The following SEMA3E variants were observed in gnomAD, a reference collection of about 807,000 sequenced individuals.
SEMA3E encodes semaphorin 3E.
In SEMA3E, 49 loss-of-function variants were observed where a neutral mutation model predicts 93.6. The ratio of observed to expected loss-of-function variants is 0.52; its 90% CI spans 0.42 to 0.66. The LOEUF (loss-of-function observed/expected upper bound fraction) is 0.66, where lower values mean the gene tolerates loss of function less well. Ranked by LOEUF, SEMA3E falls within the 30% of genes least tolerant of loss-of-function variation. The pLI is 0.00. For synonymous variants in SEMA3E, 363 were observed against 330.7 expected, an observed-to-expected ratio of 1.10 and a Z score of -1.06; for missense variants, 906 against 964.8, an observed-to-expected ratio of 0.94 and a Z score of 0.81.
intron 3 of SEMA3E, among the ~76,000 whole-genome samples, chr7:83,467,503 T>G (rs1789793799): frequency 6.6e-6 from 1 of 152,194 alleles, no homozygotes. Context: ...ACTATATTGC[T>G]GTAAGAAATA....
In SEMA3E at chr7:83,580,458, T is replaced by G. The variant is rs186133722; in HGVS notation, c.115+67970A>C. ...ACAAATGCTGTATGCTCTGGTCATT[T>G]ACTGTCTATCATGTGCATCCCTACC... On this transcript the variant is annotated intron_variant, in intron 1 of 16. Transcript: ENST00000643230. Among the ~76,000 whole-genome samples the G allele has an allele frequency of 1.6e-3, 238 of 152,082 alleles. 2 individuals carry two copies. Among genetic ancestry groups the G allele is most frequent in the Middle Eastern group, 6.8e-3 (2 of 294 alleles).
At position 83,363,859 on chromosome 7, in the gene SEMA3E, CATTTTTTTTTTTTTTTTTT is replaced by C. The variant is rs1794621980; in HGVS notation, c.*3708_*3726del. On this transcript the variant is annotated 3_prime_UTR_variant, in exon 17 of 17. Coordinates refer to ENST00000643230, the MANE Select transcript of SEMA3E (RefSeq NM_012431.3). ...AGGCTACAGGTGTCACAGGTCAATT[CATTTTTTTTTTTTTTTTTT>C]TTTTTTTTTTTTTTTTTTTTTTTTT... 2 of 100,554 alleles carry C rather than the reference CATTTTTTTTTTTTTTTTTT, an allele frequency of 2.0e-5. No individual in the cohort carries two copies. The highest frequency in any genetic ancestry group is 9.3e-5 in the African/African-American group (2 of 21,426). The allele number at this position is 100,554 out of a possible 1,614,324, so 6.2% of individuals were successfully genotyped here.
At chr7:83,438,910 G>A (rs554461821) in intron 4 of SEMA3E, among the ~76,000 whole-genome samples, 1 of 152,258 alleles carries the variant, frequency 6.6e-6, no homozygotes, top group South Asian at 2.1e-4. Context: ...TTGACTCCAA[G>A]TTAACTTTAA....
At chr7:83,529,321 T>G (rs182409972) in intron 1 of SEMA3E, among the ~76,000 whole-genome samples, 302 of 152,242 alleles carry the variant, frequency 2.0e-3, no homozygotes, top group African/African-American at 6.4e-3. Context: ...GACCTTGCTT[T>G]CTTTCTAAGA....
chr7:83,370,485 G>A (rs1794735566), intron 16 of SEMA3E, among the ~76,000 whole-genome samples: 1 of 152,040 alleles, frequency 6.6e-6, no homozygotes, highest in South Asian at 2.1e-4. Flanking sequence ...TTGCTGCAAT[G>A]TTAAATTCTC....
At position 83,473,840 on chromosome 7, in the gene SEMA3E, T is replaced by A. The variant is rs193176623; in HGVS notation, c.277-4538A>T. On this transcript the variant is annotated intron_variant, in intron 2 of 16. Coordinates refer to ENST00000643230, the MANE Select transcript of SEMA3E (RefSeq NM_012431.3). ...CAGGTGAGGTGGCTCATGCCTGTAA[T>A]CCCAGCACTTTGGGAGGCCGAGGCG... is the stretch of plus-strand genomic sequence containing the variant. Among the ~76,000 whole-genome samples the A allele has an allele frequency of 3.9e-5, 6 of 152,250 alleles. No homozygotes were observed. In the East Asian group the frequency reaches 1.2e-3, roughly 29 times the overall value.
intron 5 of SEMA3E, among the ~76,000 whole-genome samples, 195 bp from the exon 6 acceptor site, chr7:83,408,682 G>C (rs577476756): frequency 2.6e-5 from 4 of 152,226 alleles, no homozygotes; most frequent in African/African-American, 9.6e-5. Flanking sequence ...TGTGAACTTG[G>C]GCAAGTTGCT....
intron 4 of SEMA3E, among the ~76,000 whole-genome samples, chr7:83,434,435 AC>A (rs1788956496): frequency 6.6e-6 from 1 of 152,204 alleles, no homozygotes; most frequent in South Asian, 2.1e-4. Context: ...CTCAAAGCAA[AC>A]TTTATTAAAT....
At chr7:83,638,294 T>A (rs1341487706) in intron 1 of SEMA3E, among the ~76,000 whole-genome samples, 1 of 152,208 alleles carries the variant, frequency 6.6e-6, no homozygotes, top group Non-Finnish European at 1.5e-5. Flanking sequence ...TATAGCAACA[T>A]CAGAGCAGAT....
intron 1 of SEMA3E, among the ~76,000 whole-genome samples, chr7:83,578,620 T>C (rs917549768): frequency 6.6e-6 from 1 of 152,112 alleles, no homozygotes; most frequent in Non-Finnish European, 1.5e-5. Context: ...GAAAATTGTT[T>C]TATCTGTTCT....
intron 1 of SEMA3E, among the ~76,000 whole-genome samples, chr7:83,607,338 A>T (rs2115567194): frequency 6.6e-6 from 1 of 152,254 alleles, no homozygotes; most frequent in South Asian, 2.1e-4. Context: ...GCCTAACTAA[A>T]ATTCTTCTCC....
At chr7:83,503,680 T>G (rs1790640977) in intron 1 of SEMA3E, among the ~76,000 whole-genome samples, 1 of 152,204 alleles carries the variant, frequency 6.6e-6, no homozygotes, top group African/African-American at 2.4e-5. Flanking sequence ...GTTCAGCATG[T>G]TACTGTGATG....
intron 1 of SEMA3E, among the ~76,000 whole-genome samples, chr7:83,545,742 T>C (rs1202214161): frequency 6.7e-6 from 1 of 149,388 alleles, no homozygotes; most frequent in Non-Finnish European, 1.5e-5. Flanking sequence ...TATGGATGTA[T>C]ATGTATGTGT....
chr7:83,636,971 A>G (rs1488016334), intron 1 of SEMA3E, among the ~76,000 whole-genome samples: 1 of 151,674 alleles, frequency 6.6e-6, no homozygotes, highest in Admixed American at 6.6e-5. Flanking sequence ...TCCTTTTACA[A>G]CTGGATCTTA....
At chr7:83,434,782 C>T (rs1174333509) in intron 4 of SEMA3E, among the ~76,000 whole-genome samples, 2 of 144,018 alleles carry the variant, frequency 1.4e-5, no homozygotes, top group Non-Finnish European at 3.0e-5. Flanking sequence ...GGCGGGATCT[C>T]GGCTCACTGC....
rs1279421721 is a variant in SEMA3E at position 83,407,152 on chromosome 7, A to G, written c.758T>C (p.Leu253Pro). 6.2e-7 allele frequency: 1 copy of G among 1,613,676 alleles called. No homozygotes were observed. The highest frequency in any genetic ancestry group is 1.7e-5 in the Admixed American group (1 of 59,908). Residue 253 changes from leucine (L) to proline (P), a missense_variant, in exon 7 of 17, where the codon CTG becomes CCG. Coordinates refer to ENST00000643230, the MANE Select transcript of SEMA3E (RefSeq NM_012431.3). ...KVYFFFTEKA[L>P]EAENNAHAIY... ...TGCGTGAGCATTGTTTTCTGCCTCC[A>G]GTGCCTTCTCAGTAAAAAAGAAATA...
At chr7:83,556,649 G>A (rs1440329863) in intron 1 of SEMA3E, among the ~76,000 whole-genome samples, 1 of 150,396 alleles carries the variant, frequency 6.6e-6, no homozygotes. Flanking sequence ...GGGATCTCAA[G>A]TAAATTATTA....
At chr7:83,521,902 C>T (rs930393946) in intron 1 of SEMA3E, among the ~76,000 whole-genome samples, 4 of 152,096 alleles carry the variant, frequency 2.6e-5, no homozygotes, top group African/African-American at 7.2e-5. Flanking sequence ...GAAGACTCAA[C>T]TCAGTTCATT....
At chr7:83,565,190 T>C (rs904516246) in intron 1 of SEMA3E, among the ~76,000 whole-genome samples, 8 of 152,112 alleles carry the variant, frequency 5.3e-5, no homozygotes, top group Admixed American at 3.9e-4. Flanking sequence ...GCGGTACATA[T>C]ACACCATGGA....
Sources: allele counts gnomAD v4.1 joint callset (sites outside exome capture counted in the v4.1 genomes callset), GRCh38; gene constraint gnomAD v4.1.1; transcripts MANE v1.5; gene names NCBI Gene and HGNC (gene_info 2026-07-23, HGNC 2026-07-21).